The following FUT8 variants were observed in gnomAD, a reference collection of about 807,000 sequenced individuals.
The protein encoded by FUT8 is fucosyltransferase 8, also known as alpha-(1,6)-fucosyltransferase.
A neutral mutation model predicts 71.3 loss-of-function variants in FUT8; 29 were observed. The observed-to-expected ratio is 0.41, with a 90% confidence interval of 0.30 to 0.55. FUT8 has a LOEUF of 0.55. FUT8 is among the 20% of genes least tolerant of loss of function. The pLI, the probability that FUT8 is intolerant of heterozygous loss-of-function variation, is 0.34. For synonymous variants in FUT8, 254 were observed against 239.3 expected, an observed-to-expected ratio of 1.06 and a Z score of -0.57; for missense variants, 544 against 702.1, an observed-to-expected ratio of 0.77 and a Z score of 2.55.
rs184392903 is a variant in FUT8 at position 65,597,176 on chromosome 14, A to T, written c.204-18802A>T. Among the ~76,000 whole-genome samples, 434 of 145,820 alleles carry T rather than the reference A, an allele frequency of 3.0e-3. 5 individuals carry two copies. Among genetic ancestry groups the T allele is most frequent in the African/African-American group, 0.01 (395 of 39,120 alleles). On this transcript the variant is annotated intron_variant, in intron 3 of 10. Coordinates refer to ENST00000673929, the MANE Select transcript of FUT8 (RefSeq NM_001371533.1). ...CAGAGTCACACAGCTAGGAAAAGTTAAGAGTCACACGGTAAGACTCTTACT... is the reference window on the plus strand; with the variant it reads ...CAGAGTCACACAGCTAGGAAAAGTTTAGAGTCACACGGTAAGACTCTTACT...
In FUT8 at chr14:65,446,096, A is replaced by G. The variant is rs577000824; in HGVS notation, c.-325-9525A>G. 7.2e-5 allele frequency among the ~76,000 whole-genome samples: 11 copies of G among 152,364 alleles called. No homozygotes were observed. The South Asian group carries it at 1.9e-3, about 26-fold the overall frequency. On this transcript the variant is annotated intron_variant, in intron 1 of 10. Transcript: ENST00000673929. Reference sequence around the variant, plus strand: ...TGATACTATATCCTTAGACACTGTAATACTACGTATATATGTATATTTTGA... The same window carrying G: ...TGATACTATATCCTTAGACACTGTAGTACTACGTATATATGTATATTTTGA...
intron 7 of FUT8, among the ~76,000 whole-genome samples, chr14:65,705,701 G>A (rs1032534029): frequency 2.6e-5 from 4 of 152,212 alleles, no homozygotes; most frequent in Non-Finnish European, 5.9e-5. Context: ...TAGACAAGTA[G>A]CTGCTATTCT....
At chr14:65,577,758 T>C (rs8007497) in intron 3 of FUT8, among the ~76,000 whole-genome samples, 101,864 of 151,934 alleles carry the variant, frequency 0.67, 34,303 homozygotes, top group East Asian at 0.72. Flanking sequence ...GAAAAGTAGA[T>C]TGGGGTAGGT....
Position 65,489,573 on chromosome 14 carries a change from C to T in FUT8, c.-228+33855C>T, listed in dbSNP as rs1351024929. Among the ~76,000 whole-genome samples the T allele has an allele frequency of 6.6e-6, 1 of 151,776 alleles. No individual in the cohort carries two copies. Among genetic ancestry groups the T allele is most frequent in the African/African-American group, 2.4e-5 (1 of 41,316 alleles). On this transcript the variant is annotated intron_variant, in intron 2 of 10. Transcript: ENST00000673929. This position sits in a 1 kb window ranked among gnomAD's most constrained non-coding sequence, Gnocchi z 4.0. Reference sequence around the variant, plus strand: ...AGATTTGTGATTAAAAAAATAGTTCCCTATTTGAATAATTGTCCAGGAAAT... The same window carrying T: ...AGATTTGTGATTAAAAAAATAGTTCTCTATTTGAATAATTGTCCAGGAAAT...
rs957896599 is a variant in FUT8 at position 65,607,900 on chromosome 14, G to A, written c.204-8078G>A. 1.5e-4 allele frequency among the ~76,000 whole-genome samples: 22 copies of A among 151,404 alleles called. No homozygotes were observed. Among genetic ancestry groups the A allele is most frequent in the South Asian group, 1.1e-3 (5 of 4,750 alleles). On this transcript the variant is annotated intron_variant, in intron 3 of 10. Transcript: ENST00000673929. This position sits in a 1 kb window ranked among gnomAD's most constrained non-coding sequence, Gnocchi z 4.1. ...CAACATGGTGAAACCCCGTCTCTAC[G>A]AAAAATACAAAAAAATTAGCTGGGT...
At position 65,722,026 on chromosome 14, in the gene FUT8, G is replaced by T; in HGVS notation, c.1082+5G>T. On this transcript the variant is annotated splice_donor_5th_base_variant and intron_variant, in intron 8 of 10. Transcript: ENST00000673929. ...CTTCAAACATCCAGTTATTGGGTAA[G>T]AATCTGATTTTTTCCCTCAAACTGT... 3 of 1,613,206 alleles carry T rather than the reference G, an allele frequency of 1.9e-6. No individual in the cohort carries two copies. The highest frequency in any genetic ancestry group is 2.5e-6 in the Non-Finnish European group (3 of 1,179,864).
At chr14:65,473,895 G>A (rs929749030) in intron 2 of FUT8, among the ~76,000 whole-genome samples, 2 of 152,094 alleles carry the variant, frequency 1.3e-5, no homozygotes, top group African/African-American at 4.8e-5. Context: ...ATCTGTAAAA[G>A]CTATTAGAGG....
chr14:65,418,956 C>CGGT (rs1566735165), intron 1 of FUT8, among the ~76,000 whole-genome samples: 1 of 152,110 alleles, frequency 6.6e-6, no homozygotes, highest in African/African-American at 2.4e-5. Flanking sequence ...AGGCCGGGCG[C>CGGT]GGTGGCTCAT....
At chr14:65,583,339 G>T (rs1037795355) in intron 3 of FUT8, among the ~76,000 whole-genome samples, 1 of 152,036 alleles carries the variant, frequency 6.6e-6, no homozygotes, top group Non-Finnish European at 1.5e-5. Context: ...ATGCCATCAG[G>T]CCTGGCAAAT....
At chr14:65,536,578 C>T (rs983464448) in intron 2 of FUT8, among the ~76,000 whole-genome samples, 6 of 152,090 alleles carry the variant, frequency 3.9e-5, no homozygotes, top group Non-Finnish European at 7.4e-5. Flanking sequence ...TGAATATAGA[C>T]CCCCAATCTC....
chr14:65,661,331 A>G (rs1229159801), intron 6 of FUT8, among the ~76,000 whole-genome samples: 4 of 152,302 alleles, frequency 2.6e-5, no homozygotes, highest in South Asian at 4.2e-4. Flanking sequence ...CTTGAACCTG[A>G]ACAGATTTGC....
chr14:65,611,199 GCGCGCGCGCGCGCGC>G (rs1888895080), intron 3 of FUT8, among the ~76,000 whole-genome samples: 1 of 7,542 alleles, frequency 1.3e-4, no homozygotes, highest in East Asian at 5.6e-3. Flanking sequence ...ACACACACAC[GCGCGCGCGCGCGCGC>G]GCGCGCGCGC....
intron 7 of FUT8, among the ~76,000 whole-genome samples, chr14:65,673,101 A>G (rs1892549322): frequency 6.6e-6 from 1 of 152,276 alleles, no homozygotes; most frequent in Non-Finnish European, 1.5e-5. Context: ...TAGTAAAAAA[A>G]TAATTTATAA....
intron 7 of FUT8, among the ~76,000 whole-genome samples, chr14:65,674,540 A>G (rs1892619135): frequency 6.6e-6 from 1 of 152,210 alleles, no homozygotes; most frequent in South Asian, 2.1e-4. Context: ...GTTAAATGGA[A>G]AAGTTGAAAG....
chr14:65,452,772 A>G (rs923587284), intron 1 of FUT8, among the ~76,000 whole-genome samples: 3 of 152,374 alleles, frequency 2.0e-5, no homozygotes, highest in South Asian at 4.1e-4. Flanking sequence ...GCCTGAATCC[A>G]TCAGACAAAA....
At chr14:65,408,216 G>T (rs555713366), upstream of FUT8, among the ~76,000 whole-genome samples, 3 of 152,232 alleles carry the variant, frequency 2.0e-5, no homozygotes, top group East Asian at 3.9e-4. Context: ...GCCGAGAGAG[G>T]CTTTACCGAT....
chr14:65,423,891 G>A (rs1448167726), intron 1 of FUT8, among the ~76,000 whole-genome samples: 1 of 152,176 alleles, frequency 6.6e-6, no homozygotes, highest in African/African-American at 2.4e-5. Flanking sequence ...TGCATCTGCT[G>A]GTGTGCCTTC....
In FUT8 at chr14:65,476,823, C is replaced by T. The variant is rs562128334; in HGVS notation, c.-228+21105C>T. ...AATACTGAGATCTTGGAACCTTACTCATTTCAGAAATGGCTCTGGTCTGAA... is the reference window on the plus strand; with the variant it reads ...AATACTGAGATCTTGGAACCTTACTTATTTCAGAAATGGCTCTGGTCTGAA... On this transcript the variant is annotated intron_variant, in intron 2 of 10. Transcript: ENST00000673929. Among the ~76,000 whole-genome samples the T allele has an allele frequency of 2.6e-5, 4 of 152,130 alleles. No homozygotes were observed. The South Asian group carries it at 8.3e-4, about 32-fold the overall frequency.
chr14:65,492,825 C>T (rs2066501813), intron 2 of FUT8, among the ~76,000 whole-genome samples: 1 of 152,046 alleles, frequency 6.6e-6, no homozygotes, highest in Admixed American at 6.6e-5. Context: ...CAAAGAGTTA[C>T]CCACCTGAAT....
Sources: gnomAD v4.1 joint callset for allele counts (sites outside exome capture counted in the v4.1 genomes callset) on GRCh38, gnomAD v4.1.1 for gene constraint, Gnocchi (gnomAD v3.1) non-coding constraint, MANE v1.5 for transcripts, NCBI Gene and HGNC (gene_info 2026-07-23, HGNC 2026-07-21) for gene names.